BTNL8: variants seen among roughly 807,000 people sequenced by gnomAD.
The protein encoded by BTNL8 is butyrophilin like 8.
BTNL8 carries 22 observed loss-of-function variants against 36.1 expected under a neutral mutation model. That is an observed-to-expected ratio of 0.61 (90% CI 0.44 to 0.87). The LOEUF (loss-of-function observed/expected upper bound fraction) is 0.87. Among genes scored for constraint, BTNL8 ranks in the 40% least tolerant of loss-of-function variants. The pLI, the probability that BTNL8 is intolerant of heterozygous loss-of-function variation, is 0.00. For synonymous variants in BTNL8, 203 were observed against 235.6 expected (o/e 0.86, Z 1.27); for missense variants, 526 against 616.9 (o/e 0.85, Z 1.56).
chr5:180,939,706 A>G (rs986015669), intron 3 of BTNL8, among the ~76,000 whole-genome samples: 4 of 152,206 alleles, frequency 2.6e-5, no homozygotes, highest in Non-Finnish European at 5.9e-5. Flanking sequence ...TCAACAAAGT[A>G]ACATTGGATT....
At chr5:180,908,491 G>A in intron 1 of BTNL8, 95 bp from the exon 2 acceptor site, 2 of 1,195,744 alleles carry the variant, frequency 1.7e-6, no homozygotes, top group Non-Finnish European at 2.4e-6. Flanking sequence ...CACTCTGGGA[G>A]CTGTAGACCG....
intron 3 of BTNL8, among the ~76,000 whole-genome samples, chr5:180,923,856 GAA>G (rs1285547883): frequency 6.6e-6 from 1 of 151,922 alleles, no homozygotes; most frequent in East Asian, 1.9e-4. Context: ...AGCAAAGACA[GAA>G]AAACAAACAA....
chr5:180,915,656 TCAAA>T lies in BTNL8; in HGVS notation c.673+4045_673+4048del, dbSNP rs542220167. Among the ~76,000 whole-genome samples, 528 of 152,242 alleles carry T rather than the reference TCAAA, an allele frequency of 3.5e-3. 5 individuals are homozygous for T. Among genetic ancestry groups the T allele is most frequent in the Middle Eastern group, 0.017 (5 of 294 alleles). On this transcript the variant is annotated intron_variant, in intron 3 of 7. Coordinates refer to ENST00000340184, the MANE Select transcript of BTNL8 (RefSeq NM_001040462.3). ...AGTGACAGAAAGACAAAATATACTG[TCAAA>T]CAGATTCACAGCACATTAAAAGATT... is the stretch of plus-strand genomic sequence containing the variant.
intron 1 of BTNL8, among the ~76,000 whole-genome samples, chr5:180,902,731 G>A (rs547719872): frequency 7.1e-6 from 1 of 140,464 alleles, no homozygotes; most frequent in Non-Finnish European, 1.5e-5. Context: ...GTGTCCATGT[G>A]ATCTCATTGT....
At chr5:180,932,513 A>AT (rs566763326) in intron 3 of BTNL8, among the ~76,000 whole-genome samples, 7 of 151,212 alleles carry the variant, frequency 4.6e-5, no homozygotes, top group East Asian at 3.9e-4. Context: ...TGCCTGGCTA[A>AT]TTTTTTTTTG....
At chr5:180,908,555 G>A in intron 1 of BTNL8, 31 bp from the exon 2 acceptor site, 1 of 1,604,914 alleles carries the variant, frequency 6.2e-7, no homozygotes. Context: ...AAAGGGTTTT[G>A]ATGATTTATC....
At chr5:180,924,771 A>C (rs1758022897) in intron 3 of BTNL8, among the ~76,000 whole-genome samples, 1 of 152,236 alleles carries the variant, frequency 6.6e-6, no homozygotes, top group Middle Eastern at 3.2e-3. Context: ...AATCAAGAAA[A>C]TATGACACCA....
At chr5:180,921,680 C>G (rs569920590) in intron 3 of BTNL8, among the ~76,000 whole-genome samples, 4 of 151,626 alleles carry the variant, frequency 2.6e-5, no homozygotes, top group Admixed American at 6.6e-5. Context: ...CACACACACA[C>G]ACACACACAC....
At chr5:180,909,129 C>T (rs1459349627) in intron 2 of BTNL8, among the ~76,000 whole-genome samples, 196 bp downstream of exon 2, 1 of 152,186 alleles carries the variant, frequency 6.6e-6, no homozygotes, top group Non-Finnish European at 1.5e-5. Flanking sequence ...ACCACCATCA[C>T]ATCAAGGTAT....
chr5:180,932,876 A>G (rs904304587), intron 3 of BTNL8, among the ~76,000 whole-genome samples: 1 of 152,204 alleles, frequency 6.6e-6, no homozygotes, highest in Non-Finnish European at 1.5e-5. Flanking sequence ...ATTAAAATAC[A>G]TAGACTGGCT....
chr5:180,923,055 C>T (rs1359623343), intron 3 of BTNL8, among the ~76,000 whole-genome samples: 1 of 152,076 alleles, frequency 6.6e-6, no homozygotes, highest in Non-Finnish European at 1.5e-5. Context: ...TTCCTACATC[C>T]CTTTATTTTG....
At chr5:180,941,997 G>T (rs553835300) in intron 3 of BTNL8, among the ~76,000 whole-genome samples, 2 of 151,540 alleles carry the variant, frequency 1.3e-5, no homozygotes, top group Admixed American at 6.6e-5. Flanking sequence ...AAAGGAGAAA[G>T]TCTAATTGTC....
intron 1 of BTNL8, 151 bp from the exon 2 acceptor site, chr5:180,908,435 G>A (rs980512038): frequency 2.3e-5 from 17 of 746,288 alleles, no homozygotes; most frequent in African/African-American, 3.6e-5. Flanking sequence ...AGATGAACCC[G>A]GTACCTCAGA....
chr5:180,943,475 T>C (rs1327583601), intron 3 of BTNL8, among the ~76,000 whole-genome samples: 1 of 152,048 alleles, frequency 6.6e-6, no homozygotes, highest in Non-Finnish European at 1.5e-5. Flanking sequence ...AACATACAAA[T>C]GAACAACAGA....
intron 2 of BTNL8, 137 bp downstream of exon 2, chr5:180,909,070 T>G: frequency 1.1e-6 from 1 of 872,732 alleles, no homozygotes; most frequent in South Asian, 1.7e-5. Context: ...GTTCCTTCTG[T>G]CTTGTGTGTA....
intron 3 of BTNL8, among the ~76,000 whole-genome samples, chr5:180,916,526 CTAAA>C (rs954011107): frequency 1.3e-5 from 2 of 151,852 alleles, no homozygotes; most frequent in African/African-American, 4.8e-5. Context: ...ATCAATAAAA[CTAAA>C]TGTTGTTTAT....
At chr5:180,921,670 C>G (rs1382447729) in intron 3 of BTNL8, among the ~76,000 whole-genome samples, 1 of 149,044 alleles carries the variant, frequency 6.7e-6, no homozygotes, top group Non-Finnish European at 1.5e-5. Flanking sequence ...TACACACACA[C>G]ACACACACAC....
At chr5:180,922,799 C>T (rs1489095864) in intron 3 of BTNL8, among the ~76,000 whole-genome samples, 1 of 151,756 alleles carries the variant, frequency 6.6e-6, no homozygotes, top group Admixed American at 6.6e-5. Flanking sequence ...GTGTTGAAGT[C>T]TCCCACTATT....
rs574577443 is a variant in BTNL8 at position 180,948,201 on chromosome 5, G to A, written c.788-154G>A. ...GCTCCACCCCAGAGAGCCACACTCC[G>A]TGCAGGAGCTGGGGAGACGAGCACA... is the stretch of plus-strand genomic sequence containing the variant. On this transcript the variant is annotated intron_variant, in intron 4 of 7. Coordinates refer to ENST00000340184, the MANE Select transcript of BTNL8 (RefSeq NM_001040462.3). The A allele has an allele frequency of 1.2e-4, 145 of 1,173,106 alleles. 7 individuals carry two copies. Among genetic ancestry groups the A allele is most frequent in the Admixed American group, 1.6e-4 (8 of 48,956 alleles). 72.7% of individuals were successfully genotyped at this position (1,173,106 alleles called of 1,614,324 possible). A position where few individuals can be genotyped will look rare whatever the true frequency, so the allele number is the denominator to read the frequency against.
Sources: gnomAD v4.1 joint callset for allele counts (sites outside exome capture counted in the v4.1 genomes callset) on GRCh38, gnomAD v4.1.1 for gene constraint, MANE v1.5 for transcripts, NCBI Gene and HGNC (gene_info 2026-07-23, HGNC 2026-07-21) for gene names.